UBR4: variants seen among roughly 807,000 people sequenced by gnomAD.
UBR4 encodes the protein ubiquitin protein ligase E3 component n-recognin 4.
A neutral mutation model predicts 575.6 loss-of-function variants in UBR4; 124 were observed. The observed-to-expected ratio is 0.22, with a 90% CI of 0.19 to 0.25. UBR4 has a LOEUF of 0.25. Among genes scored for constraint, UBR4 ranks in the 10% least tolerant of loss-of-function variants. UBR4 has a pLI of 1.00. For synonymous variants in UBR4, 2,455 were observed against 2,473.7 expected (o/e 0.99, Z 0.22); for missense variants, 4,818 against 6,478.8 (o/e 0.74, Z 8.80).
intron 99 of UBR4, 98 bp downstream of exon 99, chr1:19,087,718 C>T: frequency 5.4e-6 from 5 of 934,508 alleles, no homozygotes; most frequent in Non-Finnish European, 8.2e-6. Flanking sequence ...CTTGATCTTG[C>T]CTAGCTAAGA....
In UBR4 at chr1:19,104,100, C is replaced by A; in HGVS notation, c.12885G>T (p.Leu4295=). The change falls in exon 87 of 106, where the codon CTG becomes CTT. Residue 4295 remains leucine, a synonymous_variant. Transcript: ENST00000375254. ...CAGTGCTACCTGTGGTCATGTCCTC[C>A]AGCATCTCCAGCAGCATGTCCTGCG... ...DETQDMLLEM[L]EDMTTGTESE... The A allele has an allele frequency of 6.2e-7, 1 of 1,614,204 alleles. No individual in the cohort carries two copies. Among genetic ancestry groups the A allele is most frequent in the Non-Finnish European group, 8.5e-7 (1 of 1,180,010 alleles).
chr1:19,084,226 G>A (rs1033407390), intron 102 of UBR4, among the ~76,000 whole-genome samples: 1 of 152,230 alleles, frequency 6.6e-6, no homozygotes, highest in African/African-American at 2.4e-5. Context: ...CCCACTTCCT[G>A]CTCCCCTGTG....
chr1:19,104,811 GCC>G, intron 85 of UBR4, 145 bp from the exon 86 acceptor site: 1 of 1,115,582 alleles, frequency 9.0e-7, no homozygotes, highest in South Asian at 1.5e-5. Context: ...TTTCCAGGAA[GCC>G]AACAGTCACA....
chr1:19,087,933 T>C lies in UBR4; in HGVS notation c.14431-4A>G. On this transcript the variant is annotated splice_polypyrimidine_tract_variant and splice_region_variant and intron_variant, in intron 98 of 105. Transcript: ENST00000375254. ...CGACCTGGCCCTTTTCATTTGTCTGTAGGGGAACCCCGGTGGCATGTCAAG... is the reference window on the plus strand; with the variant it reads ...CGACCTGGCCCTTTTCATTTGTCTGCAGGGGAACCCCGGTGGCATGTCAAG... The C allele has an allele frequency of 6.3e-7, 1 of 1,599,294 alleles. No homozygotes were observed. The highest frequency in any genetic ancestry group is 8.5e-7 in the Non-Finnish European group (1 of 1,170,344).
intron 85 of UBR4, 49 bp from the exon 86 acceptor site, chr1:19,104,715 C>T: frequency 6.4e-7 from 1 of 1,562,956 alleles, no homozygotes; most frequent in Non-Finnish European, 8.8e-7. Context: ...GCCAAGGATA[C>T]CAGTTACCTC....
At position 19,174,439 on chromosome 1, in the gene UBR4, G is replaced by A. The variant is rs372556532; in HGVS notation, c.2862C>T (p.Asp954=). 8.0e-5 allele frequency: 129 copies of A among 1,609,152 alleles called. No individual in the cohort carries two copies. The highest frequency in any genetic ancestry group is 1.7e-4 in the Middle Eastern group (1 of 6,060). ...ACTTGACAAGCTTGGAGAAAAGGAC[G>A]TCACATGCCTGACATCAAGAAAGAA... ...DLNRLDSVAC[D]VLFSKLVKYD... is the part of the protein sequence containing the mutation. Residue 954 remains aspartate (D), a synonymous_variant, in exon 22 of 106, where the codon GAC becomes GAT. Coordinates refer to ENST00000375254, the MANE Select transcript of UBR4 (RefSeq NM_020765.3).
At chr1:19,123,921 C>T (rs2081444495) in intron 65 of UBR4, among the ~76,000 whole-genome samples, 1 of 152,210 alleles carries the variant, frequency 6.6e-6, no homozygotes, top group African/African-American at 2.4e-5. Flanking sequence ...TATGCCAATG[C>T]ACTACTTCTT....
rs2088224455 is a variant in UBR4 at position 19,165,650 on chromosome 1, G to A, written c.4211+6C>T. On this transcript the variant is annotated splice_donor_region_variant and intron_variant, in intron 30 of 105. Transcript: ENST00000375254. ...TATTCACTGAATAAAGCAAAACACG[G>A]CTCACCTGTCAGAGAAAAACTCCTC... 6.2e-7 allele frequency: 1 copy of A among 1,612,304 alleles called. No individual in the cohort carries two copies. The highest frequency in any genetic ancestry group is 1.1e-5 in the South Asian group (1 of 90,736).
Position 19,117,962 on chromosome 1 carries a change from T to G in UBR4, c.10542-52A>C. ...AACACATTTTCATCTTAGGAAGCAC[T>G]GAGTTTCACAAAAAAATCATGACAA... On this transcript the variant is annotated intron_variant, in intron 71 of 105. Coordinates refer to ENST00000375254, the MANE Select transcript of UBR4 (RefSeq NM_020765.3). This position sits in a 1 kb window ranked among gnomAD's most constrained non-coding sequence, Gnocchi z 4.0. 1 of 1,556,712 alleles carries G rather than the reference T, an allele frequency of 6.4e-7. No homozygotes were observed. Among genetic ancestry groups the G allele is most frequent in the South Asian group, 1.1e-5 (1 of 89,696 alleles).
Position 19,187,550 on chromosome 1 carries a change from G to GA in UBR4, c.1395-11dup. The GA allele has an allele frequency of 6.2e-7, 1 of 1,607,522 alleles. No individual in the cohort carries two copies. Among genetic ancestry groups the GA allele is most frequent in the Non-Finnish European group, 8.5e-7 (1 of 1,176,124 alleles). On this transcript the variant is annotated splice_polypyrimidine_tract_variant and intron_variant, in intron 11 of 105. Transcript: ENST00000375254. ...CCCAAATCCCTGATGCCTACACAAA[G>GA]AAAAAGGAAAACACAATCCTTAAAA...
At chr1:19,130,343 G>A (rs2082280126) in intron 60 of UBR4, among the ~76,000 whole-genome samples, 1 of 152,146 alleles carries the variant, frequency 6.6e-6, no homozygotes, top group Non-Finnish European at 1.5e-5. Flanking sequence ...ACCAGCCAGG[G>A]AAACATAGCA....
In UBR4 at chr1:19,160,174, AG is replaced by A. The variant is rs1412447361; in HGVS notation, c.5513del (p.Ala1838ValfsTer17). 1 of 1,613,970 alleles carries A rather than the reference AG, an allele frequency of 6.2e-7. No homozygotes were observed. Among genetic ancestry groups the A allele is most frequent in the African/African-American group, 1.3e-5 (1 of 74,892 alleles). On this transcript the variant is annotated frameshift_variant, in exon 39 of 106. Transcript: ENST00000375254. LOFTEE classifies it high-confidence loss of function. ...QASAVGSSSR[A>X]QQALSELHTV... The stretch of plus-strand genomic sequence containing the variant: ...TGTGTAGCTCACTGAGGGCTTGCTG[AG>A]CACGGCTGCTGCTCCCGACGGCTGA...
At chr1:19,084,125 C>G (rs1232424291) in intron 102 of UBR4, among the ~76,000 whole-genome samples, 2 of 152,232 alleles carry the variant, frequency 1.3e-5, no homozygotes, top group African/African-American at 4.8e-5. Flanking sequence ...GGGCACAGCT[C>G]CGACCTGTGG....
chr1:19,164,895 G>A lies in UBR4; in HGVS notation c.4415C>T (p.Thr1472Ile). 1 of 1,614,202 alleles carries A rather than the reference G, an allele frequency of 6.2e-7. No individual in the cohort carries two copies. Among genetic ancestry groups the A allele is most frequent in the Non-Finnish European group, 8.5e-7 (1 of 1,180,044 alleles). ...VRLQAWLTRM[T>I]TSPPKDSDQL... ...ATCAGAATCTTTTGGGGGCGATGTAGTCATGCGGGTGAGCCAGGCCTGCAG... is the reference window on the plus strand; with the variant it reads ...ATCAGAATCTTTTGGGGGCGATGTAATCATGCGGGTGAGCCAGGCCTGCAG... The change falls in exon 32 of 106, where the codon ACT (threonine) becomes ATT (isoleucine). Residue 1472 changes from threonine to isoleucine, a missense_variant. Coordinates refer to ENST00000375254, the MANE Select transcript of UBR4 (RefSeq NM_020765.3).
chr1:19,094,857 C>G (rs760651766), intron 94 of UBR4, 49 bp downstream of exon 94: 1 of 1,604,014 alleles, frequency 6.2e-7, no homozygotes, highest in African/African-American at 1.3e-5. Context: ...GGCAATGAGA[C>G]AGTGCAGGCT....
chr1:19,166,819 T>C (rs1046128876), intron 29 of UBR4, among the ~76,000 whole-genome samples: 1 of 148,992 alleles, frequency 6.7e-6, no homozygotes, highest in African/African-American at 2.5e-5. Context: ...GGTAGGAGGA[T>C]TGCTTGAGCC....
rs917337412 is a variant in UBR4 at position 19,153,448 on chromosome 1, T to G, written c.6685A>C (p.Thr2229Pro). ...CCATCCTCACACAGCAGAATCATTG[T>G]TGTCCGCTGCTGCTCATTGCAGGCC... ...HTACNEQQRT[T>P]MILLCEDGSL... The change falls in exon 46 of 106, where the codon ACA becomes CCA. Residue 2229 changes from threonine (T) to proline (P), a missense_variant. Coordinates refer to ENST00000375254, the MANE Select transcript of UBR4 (RefSeq NM_020765.3). The surrounding 1 kb of genome is among the most constrained non-coding windows in gnomAD (Gnocchi z 4.1). 6.2e-7 allele frequency: 1 copy of G among 1,614,184 alleles called. No individual in the cohort carries two copies. The highest frequency in any genetic ancestry group is 1.1e-5 in the South Asian group (1 of 91,084).
In UBR4 at chr1:19,113,906, C is replaced by T. The variant is rs2080189309; in HGVS notation, c.11328+39G>A. 3 of 1,614,206 alleles carry T rather than the reference C, an allele frequency of 1.9e-6. No homozygotes were observed. The East Asian group carries it at 6.7e-5, about 36-fold the overall frequency. On this transcript the variant is annotated intron_variant, in intron 76 of 105. Transcript: ENST00000375254. ...AGGAGGCAGTCTTCTGATCAAGACC[C>T]AAGCCCTTATCCAAATGCCCTTTGC...
At position 19,156,300 on chromosome 1, in the gene UBR4, A is replaced by T. The variant is rs780638939; in HGVS notation, c.6043T>A (p.Leu2015Ile). 2 of 1,614,210 alleles carry T rather than the reference A, an allele frequency of 1.2e-6. No homozygotes were observed. The highest frequency in any genetic ancestry group is 1.7e-6 in the Non-Finnish European group (2 of 1,180,030). The change falls in exon 42 of 106, where the codon TTA (leucine) becomes ATA (isoleucine). Residue 2015 changes from leucine to isoleucine, a missense_variant. Coordinates refer to ENST00000375254, the MANE Select transcript of UBR4 (RefSeq NM_020765.3). ...AVWLPGSQTE[L>I]AIVTADFVKI... ...ACAAAGTCTGCGGTGACAATTGCTA[A>T]CTCGGTCTGTGAACCAGGTAACCAC...
Sources: allele counts gnomAD v4.1 joint callset (sites outside exome capture counted in the v4.1 genomes callset), GRCh38; gene constraint gnomAD v4.1.1; non-coding constraint Gnocchi (gnomAD v3.1); transcripts MANE v1.5; gene names NCBI Gene and HGNC (gene_info 2026-07-23, HGNC 2026-07-21).